Variants in DAG1 observed in about 807,000 individuals in gnomAD.
The protein encoded by DAG1 is dystroglycan 1 (dystrophin-associated glycoprotein 1).
In DAG1, 8 loss-of-function variants were observed where a neutral mutation model predicts 46.1. The observed-to-expected ratio is 0.17, with a 90% CI of 0.10 to 0.31. The LOEUF is 0.31. Among genes scored for constraint, DAG1 ranks in the 10% least tolerant of loss-of-function variants. DAG1 has a pLI of 1.00. For synonymous variants in DAG1, 495 were observed against 481.8 expected, an observed-to-expected ratio of 1.03 and a Z score of -0.36; for missense variants, 1,003 against 1,189.9, an observed-to-expected ratio of 0.84 and a Z score of 2.31.
intron 1 of DAG1, among the ~76,000 whole-genome samples, chr3:49,476,674 T>C (rs549582943): frequency 6.6e-5 from 10 of 152,226 alleles, no homozygotes; most frequent in Non-Finnish European, 1.3e-4. Context: ...CTGGATTGAC[T>C]GTACAGAAAA....
chr3:49,470,280 T>A lies in DAG1; in HGVS notation c.-270T>A, dbSNP rs1016890232. On this transcript the variant is annotated 5_prime_UTR_variant, in exon 1 of 3. Coordinates refer to ENST00000308775, the MANE Select transcript of DAG1 (RefSeq NM_004393.6). The stretch of plus-strand genomic sequence containing the variant: ...CAGCGCCCTCTCACCGCCCGGTACG[T>A]GCTCGCGCGAAGGCTGCGGCGCGGC... The A allele has an allele frequency of 6.6e-6, 1 of 151,892 alleles. No homozygotes were observed. Among genetic ancestry groups the A allele is most frequent in the Non-Finnish European group, 1.5e-5 (1 of 67,982 alleles). The allele number at this position is 151,892 out of a possible 1,614,324, so 9.4% of individuals were successfully genotyped here.
At chr3:49,481,618 C>T (rs952168895) in intron 1 of DAG1, among the ~76,000 whole-genome samples, 1 of 152,100 alleles carries the variant, frequency 6.6e-6, no homozygotes, top group East Asian at 1.9e-4. Context: ...GCCACAGATT[C>T]ATTCTTGCTG....
At chr3:49,471,502 G>A (rs1045922392) in intron 1 of DAG1, among the ~76,000 whole-genome samples, 1 of 152,188 alleles carries the variant, frequency 6.6e-6, no homozygotes, top group Admixed American at 6.5e-5. Context: ...AAAATCCATA[G>A]TTTGAGTATG....
At position 49,531,855 on chromosome 3, in the gene DAG1, G is replaced by C. The variant is rs200594787; in HGVS notation, c.1344G>C (p.Arg448Ser). The C allele has an allele frequency of 6.2e-7, 1 of 1,613,720 alleles. No individual in the cohort carries two copies. Among genetic ancestry groups the C allele is most frequent in the East Asian group, 2.2e-5 (1 of 44,848 alleles). ...ACTCCACCACCACCACGACTCGCAG[G>C]CCAACCAAGAAACCACGGACACCCC... ...STDSTTTTTR[R>S]PTKKPRTPRP... The change falls in exon 3 of 3, where the codon AGG becomes AGC. Residue 448 changes from arginine (R) to serine (S), a missense_variant. Physicochemically the swap from Arg to Ser is moderately radical, Grantham distance 110. Coordinates refer to ENST00000308775, the MANE Select transcript of DAG1 (RefSeq NM_004393.6). The surrounding 1 kb of genome is among the most constrained non-coding windows in gnomAD (Gnocchi z 7.0).
At position 49,529,676 on chromosome 3, in the gene DAG1, T is replaced by C. The variant is rs574320098; in HGVS notation, c.286-1121T>C. Among the ~76,000 whole-genome samples, 35 of 152,326 alleles carry C rather than the reference T, an allele frequency of 2.3e-4. No homozygotes were observed. In the South Asian group the frequency reaches 3.1e-3, roughly 14 times the overall value. On this transcript the variant is annotated intron_variant, in intron 2 of 2. Transcript: ENST00000308775. The stretch of plus-strand genomic sequence containing the variant: ...GCCAATTTGTCTCTGGTACTTGTTA[T>C]AGGACAATGGAGATGAGAGTGCCTT...
chr3:49,510,309 G>A (rs991281092), intron 1 of DAG1, 110 bp from the exon 2 acceptor site: 6 of 605,296 alleles, frequency 9.9e-6, no homozygotes, highest in African/African-American at 9.3e-5. Context: ...GGGGGTAAGA[G>A]GCTTGATCCA....
At chr3:49,477,235 G>A (rs2049705769) in intron 1 of DAG1, among the ~76,000 whole-genome samples, 1 of 152,024 alleles carries the variant, frequency 6.6e-6, no homozygotes, top group African/African-American at 2.4e-5. Flanking sequence ...GACGTCAGGT[G>A]ATCTGCCCGC....
intron 1 of DAG1, among the ~76,000 whole-genome samples, chr3:49,509,460 G>A (rs1013251073): frequency 2.0e-5 from 3 of 152,166 alleles, no homozygotes; most frequent in African/African-American, 7.2e-5. Context: ...AAGTCTGGTT[G>A]CTGTCTCTAA....
chr3:49,521,637 C>T (rs1277312809), intron 2 of DAG1, among the ~76,000 whole-genome samples: 2 of 151,830 alleles, frequency 1.3e-5, no homozygotes, highest in Non-Finnish European at 1.5e-5. Context: ...GTAAAGACGA[C>T]GTTTTGCCGT....
At chr3:49,500,686 G>A (rs1325474672) in intron 1 of DAG1, among the ~76,000 whole-genome samples, 4 of 152,214 alleles carry the variant, frequency 2.6e-5, no homozygotes, top group Non-Finnish European at 2.9e-5. Flanking sequence ...AGTGTGAGGT[G>A]TTAAATTGGG....
chr3:49,512,098 C>T (rs981470723), intron 2 of DAG1, among the ~76,000 whole-genome samples: 2 of 152,048 alleles, frequency 1.3e-5, no homozygotes, highest in African/African-American at 2.4e-5. Flanking sequence ...GTGGTACAGC[C>T]ATGGCTCTCT....
intron 1 of DAG1, among the ~76,000 whole-genome samples, chr3:49,503,634 C>A (rs947027440): frequency 3.4e-4 from 52 of 152,016 alleles, no homozygotes; most frequent in Non-Finnish European, 1.5e-4. Flanking sequence ...GATTTTGAGA[C>A]CAGGCTGGGC....
intron 2 of DAG1, 167 bp downstream of exon 2, chr3:49,510,986 C>T: frequency 2.0e-6 from 2 of 984,094 alleles, no homozygotes; most frequent in Non-Finnish European, 2.4e-6. Context: ...TCCCTATATA[C>T]TCAGAATAGC....
chr3:49,497,214 AT>A (rs2107464882), intron 1 of DAG1, among the ~76,000 whole-genome samples: 1 of 152,074 alleles, frequency 6.6e-6, no homozygotes, highest in African/African-American at 2.4e-5. Context: ...AGGTGGGTAG[AT>A]CACCTGAGAT....
intron 2 of DAG1, among the ~76,000 whole-genome samples, chr3:49,525,810 A>T (rs1190365065): frequency 2.0e-5 from 3 of 150,686 alleles, no homozygotes; most frequent in African/African-American, 7.3e-5. Context: ...CGCCTGCCTC[A>T]GCCTCCCAAA....
intron 1 of DAG1, among the ~76,000 whole-genome samples, chr3:49,486,302 T>C (rs2050024473): frequency 6.6e-6 from 1 of 151,996 alleles, no homozygotes; most frequent in South Asian, 2.1e-4. Context: ...CACTGCAAGC[T>C]CCGCCTCCCA....
At chr3:49,471,821 T>A (rs916214200) in intron 1 of DAG1, among the ~76,000 whole-genome samples, 2 of 152,206 alleles carry the variant, frequency 1.3e-5, no homozygotes, top group African/African-American at 4.8e-5. Context: ...AGTCTGCTTC[T>A]GCCCTTAAGG....
intron 1 of DAG1, among the ~76,000 whole-genome samples, chr3:49,474,001 C>T (rs779454174): frequency 1.3e-5 from 2 of 151,840 alleles, no homozygotes; most frequent in Non-Finnish European, 2.9e-5. Context: ...AATCCTCCCA[C>T]CTCAGCATCC....
intron 1 of DAG1, among the ~76,000 whole-genome samples, chr3:49,497,476 T>G (rs1048752553): frequency 1.3e-5 from 2 of 150,196 alleles, no homozygotes; most frequent in South Asian, 4.2e-4. Context: ...GAGCCAGGCA[T>G]GGTGCTGTGA....
Sources: allele counts gnomAD v4.1 joint callset (sites outside exome capture counted in the v4.1 genomes callset), GRCh38; gene constraint gnomAD v4.1.1; non-coding constraint Gnocchi (gnomAD v3.1); transcripts MANE v1.5; gene names NCBI Gene and HGNC (gene_info 2026-07-23, HGNC 2026-07-21).